ZFAT: variants seen among roughly 807,000 people sequenced by gnomAD.
The protein encoded by ZFAT is zinc finger and AT-hook domain containing.
A neutral mutation model predicts 117.7 loss-of-function variants in ZFAT; 64 were observed. The observed-to-expected ratio is 0.54, with a 90% CI of 0.44 to 0.67. The LOEUF (loss-of-function observed/expected upper bound fraction) is 0.67. Among genes scored for constraint, ZFAT ranks in the 30% least tolerant of loss-of-function variants. The pLI is 0.00. For missense variants in ZFAT, 1,433 were observed against 1,584.5 expected (o/e 0.90, Z 1.62); for synonymous variants, 679 against 615.0 (o/e 1.10, Z -1.54).
chr8:134,514,298 T>C (rs1162282405), intron 13 of ZFAT, among the ~76,000 whole-genome samples: 2 of 152,330 alleles, frequency 1.3e-5, no homozygotes, highest in East Asian at 3.9e-4. Flanking sequence ...ACTGCATGCT[T>C]TTATAAAAGC....
At position 134,555,825 on chromosome 8, in the gene ZFAT, AT is replaced by A. The variant is rs201799916; in HGVS notation, c.2976+9507del. 6.9e-3 allele frequency among the ~76,000 whole-genome samples: 1,049 copies of A among 150,970 alleles called. 19 individuals are homozygous for A. Among genetic ancestry groups the A allele is most frequent in the African/African-American group, 0.024 (999 of 41,196 alleles). ...CGTTAAAAGCTCTAGGAAAAAAAAA[AT>A]AAAAAACATGTGTGAACAGATGATA... is the stretch of plus-strand genomic sequence containing the variant. On this transcript the variant is annotated intron_variant, in intron 11 of 15. Transcript: ENST00000377838.
intron 3 of ZFAT, 113 bp from the exon 4 acceptor site, chr8:134,610,768 C>A (rs1395810825): frequency 1.7e-6 from 2 of 1,197,178 alleles, no homozygotes; most frequent in Middle Eastern, 2.6e-4. Context: ...CTTTGGTCTG[C>A]AGTGCCACGC....
intron 7 of ZFAT, among the ~76,000 whole-genome samples, chr8:134,592,689 T>C (rs371192074): frequency 5.3e-5 from 8 of 152,208 alleles, no homozygotes; most frequent in African/African-American, 1.9e-4. Context: ...ATTGCTATCA[T>C]GCAACTCAGC....
At chr8:134,800,090 C>T in the ZFAT span, among the ~76,000 whole-genome samples, 2 of 152,064 alleles carry the variant, frequency 1.3e-5, no homozygotes, top group African/African-American at 4.8e-5. Flanking sequence ...ATGTCAAAGC[C>T]CATGCTTGTT....
intron 7 of ZFAT, among the ~76,000 whole-genome samples, chr8:134,592,543 A>T (rs1312895290): frequency 6.6e-6 from 1 of 152,314 alleles, no homozygotes. Flanking sequence ...GTAAAATGGA[A>T]ATAAAAAACA....
In ZFAT at chr8:134,616,359, C is replaced by T. The variant is rs375787446; in HGVS notation, c.449-5704G>A. 6.6e-5 allele frequency among the ~76,000 whole-genome samples: 10 copies of T among 152,346 alleles called. No homozygotes were observed. The East Asian group carries it at 1.3e-3, about 21-fold the overall frequency. ...ACTCCCTTTTGGACACCAAAGTCCT[C>T]GTTCCCATTTGACCTGGTTGCTCAC... is the stretch of plus-strand genomic sequence containing the variant. On this transcript the variant is annotated intron_variant, in intron 3 of 15. Transcript: ENST00000377838.
At chr8:134,802,962 A>C in the ZFAT span, among the ~76,000 whole-genome samples, 1 of 152,234 alleles carries the variant, frequency 6.6e-6, no homozygotes, top group Non-Finnish European at 1.5e-5. Context: ...AAACTACTAA[A>C]AAAGGCTGTA....
At chr8:134,831,584 C>G in the ZFAT span, among the ~76,000 whole-genome samples, 1 of 152,214 alleles carries the variant, frequency 6.6e-6, no homozygotes, top group Non-Finnish European at 1.5e-5. Context: ...CGGCAAAAAG[C>G]AAGGCGCCTC....
chr8:134,524,274 A>C lies in ZFAT; in HGVS notation c.3116-3273T>G, dbSNP rs184272370. 2.0e-3 allele frequency among the ~76,000 whole-genome samples: 297 copies of C among 152,226 alleles called. 2 individuals carry two copies. The highest frequency in any genetic ancestry group is 3.4e-3 in the Admixed American group (52 of 15,304). On this transcript the variant is annotated intron_variant, in intron 12 of 15. Transcript: ENST00000377838. Reference sequence around the variant, plus strand: ...TTCCTTCACAGCCAGGATTCTGTGGAGTCTCCACTTCCAAGAACTCACTAG... The same window carrying C: ...TTCCTTCACAGCCAGGATTCTGTGGCGTCTCCACTTCCAAGAACTCACTAG...
At chr8:134,510,118 A>G in intron 14 of ZFAT, 1 of 460,600 alleles carries the variant, frequency 2.2e-6, no homozygotes, top group South Asian at 1.5e-5. Context: ...AACTCCTGGG[A>G]GCACCCAGCA....
At chr8:134,485,825 G>A (rs940421878) in intron 15 of ZFAT, among the ~76,000 whole-genome samples, 5 of 152,230 alleles carry the variant, frequency 3.3e-5, no homozygotes, top group African/African-American at 7.2e-5. Context: ...AAGGGAAAAT[G>A]TTCTTACTAG....
chr8:134,711,102 C>T (rs1203591336), intron 1 of ZFAT, among the ~76,000 whole-genome samples: 15 of 152,146 alleles, frequency 9.9e-5, no homozygotes, highest in Admixed American at 9.8e-4. Flanking sequence ...TTAACAGCAT[C>T]GTCTTTACAG....
At position 134,623,555 on chromosome 8, in the gene ZFAT, C is replaced by T. The variant is rs535221725; in HGVS notation, c.449-12900G>A. ...AGGGATGCCACCATTCACCCTGGTC[C>T]CCAGCCAAAACCAAGGCAGCTCCCC... On this transcript the variant is annotated intron_variant, in intron 3 of 15. Transcript: ENST00000377838. Among the ~76,000 whole-genome samples, 11 of 152,288 alleles carry T rather than the reference C, an allele frequency of 7.2e-5. 1 individual carries two copies. The Middle Eastern group carries it at 0.01, about 141-fold the overall frequency.
chr8:134,525,441 G>A (rs937994827), intron 12 of ZFAT, among the ~76,000 whole-genome samples: 55 of 152,138 alleles, frequency 3.6e-4, no homozygotes, highest in African/African-American at 1.1e-3. Context: ...TAGGGTACTC[G>A]GGAAGAAATG....
chr8:134,731,703 A>G, the ZFAT span, among the ~76,000 whole-genome samples: 2 of 152,252 alleles, frequency 1.3e-5, no homozygotes, highest in Non-Finnish European at 2.9e-5. Flanking sequence ...AGGGTTTTCA[A>G]TAACAAGTTT....
At chr8:134,804,793 C>T in the ZFAT span, 1 of 497,622 alleles carries the variant, frequency 2.0e-6, no homozygotes, top group Non-Finnish European at 4.1e-6. Context: ...CTAAAGATTT[C>T]TGAGGTTTTC....
At chr8:134,545,355 A>C (rs537870323) in intron 11 of ZFAT, among the ~76,000 whole-genome samples, 2 of 151,814 alleles carry the variant, frequency 1.3e-5, no homozygotes, top group Admixed American at 6.6e-5. Context: ...CTACCAAAAA[A>C]TTTTTTTTAA....
the ZFAT span, among the ~76,000 whole-genome samples, chr8:134,831,508 A>G: frequency 6.6e-6 from 1 of 151,102 alleles, no homozygotes; most frequent in Non-Finnish European, 1.5e-5. Flanking sequence ...GGCCTCTCTC[A>G]CTCCCGGCCG....
chr8:134,570,487 G>A (rs1284457139), intron 10 of ZFAT, among the ~76,000 whole-genome samples: 3 of 152,074 alleles, frequency 2.0e-5, no homozygotes, highest in Admixed American at 1.3e-4. Flanking sequence ...TTTTGGGTTT[G>A]GGCTTTGGTT....
Sources: gnomAD v4.1 joint callset for allele counts (sites outside exome capture counted in the v4.1 genomes callset) on GRCh38, gnomAD v4.1.1 for gene constraint, MANE v1.5 for transcripts, NCBI Gene and HGNC (gene_info 2026-07-23, HGNC 2026-07-21) for gene names.